Variants in TAB2 observed in about 807,000 individuals in gnomAD.
TAB2 encodes TGF-beta activated kinase 1 (MAP3K7) binding protein 2, also known as TGF-beta-activated kinase 1 and MAP3K7-binding protein 2.
A neutral mutation model predicts 65.0 loss-of-function variants in TAB2; 3 were observed. The ratio of observed to expected loss-of-function variants is 0.05; its 90% CI spans 0.02 to 0.12. TAB2 has a LOEUF of 0.12. Ranked by LOEUF, TAB2 falls within the 10% of genes least tolerant of loss-of-function variation. The pLI, the probability that TAB2 is intolerant of heterozygous loss-of-function variation, is 1.00. For missense variants in TAB2, 623 were observed against 840.3 expected (o/e 0.74, Z 3.20); for synonymous variants, 298 against 285.1 (o/e 1.05, Z -0.46).
At chr6:149,365,791 T>A (rs1322460602) in intron 1 of TAB2, among the ~76,000 whole-genome samples, 1 of 152,016 alleles carries the variant, frequency 6.6e-6, no homozygotes. Flanking sequence ...TCTGTTTCTC[T>A]CCTCCCCCTC....
intron 1 of TAB2, among the ~76,000 whole-genome samples, chr6:149,331,563 C>G (rs1309092666): frequency 1.2e-4 from 19 of 152,072 alleles, no homozygotes; most frequent in Admixed American, 1.2e-3. Context: ...CTGCTACTTG[C>G]AATGCTGTTT....
chr6:149,337,297 A>G (rs896156499), intron 1 of TAB2, among the ~76,000 whole-genome samples: 15 of 137,834 alleles, frequency 1.1e-4, no homozygotes, highest in Non-Finnish European at 1.9e-4. Flanking sequence ...AAACAACTAT[A>G]TTTTAGTAAA....
intron 3 of TAB2, among the ~76,000 whole-genome samples, chr6:149,381,965 T>A (rs1781625918): frequency 6.6e-6 from 1 of 152,200 alleles, no homozygotes; most frequent in South Asian, 2.1e-4. Context: ...ATTCTCGTCC[T>A]TGCCTCCTTG....
At chr6:149,326,289 AAGAC>A (rs1352909621) in intron 1 of TAB2, among the ~76,000 whole-genome samples, 5 of 147,688 alleles carry the variant, frequency 3.4e-5, no homozygotes, top group Non-Finnish European at 7.5e-5. Flanking sequence ...AAAAAAAAAA[AAGAC>A]AGTTTAAAAA....
chr6:149,224,852 AATTAAGGT>A (rs773367574), intron 1 of TAB2, among the ~76,000 whole-genome samples: 1 of 152,234 alleles, frequency 6.6e-6, no homozygotes, highest in Non-Finnish European at 1.5e-5. Flanking sequence ...CTGACAAAGG[AATTAAGGT>A]ATTTTCTTCT....
chr6:149,339,739 C>T (rs1780056855), intron 1 of TAB2, among the ~76,000 whole-genome samples: 1 of 151,826 alleles, frequency 6.6e-6, no homozygotes, highest in Admixed American at 6.6e-5. Flanking sequence ...GCTGGGACTA[C>T]AGGTGTGCAC....
intron 1 of TAB2, among the ~76,000 whole-genome samples, chr6:149,263,656 C>G (rs1583054132): frequency 6.6e-6 from 1 of 152,196 alleles, no homozygotes; most frequent in South Asian, 2.1e-4. Flanking sequence ...AAGTTTCCCC[C>G]AAATGGTGAA....
intron 1 of TAB2, among the ~76,000 whole-genome samples, chr6:149,252,297 C>G (rs1032822415): frequency 6.6e-6 from 1 of 151,022 alleles, no homozygotes; most frequent in Non-Finnish European, 1.5e-5. Context: ...CCCAGCTACT[C>G]GGGAGGCTGA....
chr6:149,358,595 A>T (rs1417781266), intron 1 of TAB2, among the ~76,000 whole-genome samples: 1 of 121,214 alleles, frequency 8.2e-6, no homozygotes, highest in South Asian at 2.7e-4. Flanking sequence ...GTTTCACTAC[A>T]ATACATCTAG....
At position 149,223,625 on chromosome 6, in the gene TAB2, T is replaced by C. The variant is rs900218426; in HGVS notation, c.-121+4849T>C. On this transcript the variant is annotated intron_variant, in intron 1 of 1. Coordinates refer to the TAB2 transcript ENST00000606202. Reference sequence around the variant, plus strand: ...GTTTTCTGTGGCTTTGGGGGTTAAATGCCTGATACAGACTGATTGCCCCTA... The same window carrying C: ...GTTTTCTGTGGCTTTGGGGGTTAAACGCCTGATACAGACTGATTGCCCCTA... Among the ~76,000 whole-genome samples, 8 of 152,342 alleles carry C rather than the reference T, an allele frequency of 5.3e-5. No individual in the cohort carries two copies. The South Asian group carries it at 1.7e-3, about 32-fold the overall frequency.
intron 3 of TAB2, among the ~76,000 whole-genome samples, chr6:149,384,759 T>C (rs1781732101): frequency 6.6e-6 from 1 of 152,182 alleles, no homozygotes; most frequent in South Asian, 2.1e-4. Flanking sequence ...ATACCTGTTG[T>C]AACACTGGCA....
At chr6:149,304,764 TA>T (rs1298416135) in intron 1 of TAB2, among the ~76,000 whole-genome samples, 1 of 152,180 alleles carries the variant, frequency 6.6e-6, no homozygotes, top group East Asian at 1.9e-4. Context: ...AAAAGTGGCT[TA>T]GTACAGTCCT....
At chr6:149,316,881 G>A (rs1322397961), upstream of TAB2, among the ~76,000 whole-genome samples, 3 of 152,018 alleles carry the variant, frequency 2.0e-5, no homozygotes, top group Non-Finnish European at 2.9e-5. Flanking sequence ...AGGCTCCCAA[G>A]ACGTCTCCCG....
chr6:149,337,387 G>C (rs1779967726), intron 1 of TAB2, among the ~76,000 whole-genome samples: 1 of 152,116 alleles, frequency 6.6e-6, no homozygotes, highest in African/African-American at 2.4e-5. Context: ...GCTTTCTCCA[G>C]ACTGCCAGAG....
chr6:149,269,673 G>T (rs1004430194), intron 1 of TAB2, among the ~76,000 whole-genome samples: 1 of 152,126 alleles, frequency 6.6e-6, no homozygotes, highest in Non-Finnish European at 1.5e-5. Flanking sequence ...AGATTATCAT[G>T]TATCATTCGT....
At chr6:149,263,387 C>T (rs1778193358) in intron 1 of TAB2, among the ~76,000 whole-genome samples, 1 of 152,134 alleles carries the variant, frequency 6.6e-6, no homozygotes, top group Non-Finnish European at 1.5e-5. Flanking sequence ...ATTCTTATTA[C>T]TATGCAGACA....
intron 1 of TAB2, among the ~76,000 whole-genome samples, chr6:149,358,361 T>G (rs951636654): frequency 1.3e-5 from 2 of 152,202 alleles, no homozygotes; most frequent in African/African-American, 4.8e-5. Flanking sequence ...TAAGTACTTA[T>G]GTGAAATTTT....
intron 1 of TAB2, among the ~76,000 whole-genome samples, chr6:149,282,593 A>G (rs141628159): frequency 2.8e-3 from 424 of 152,340 alleles, no homozygotes; most frequent in African/African-American, 9.4e-3. Context: ...TCATACAAGT[A>G]TATTCTCTGA....
chr6:149,266,456 C>T (rs917071286), intron 1 of TAB2, among the ~76,000 whole-genome samples: 1 of 152,190 alleles, frequency 6.6e-6, no homozygotes, highest in African/African-American at 2.4e-5. Flanking sequence ...GCTGGGATTT[C>T]GTGCTCACTG....
Sources: gnomAD v4.1 joint callset for allele counts (sites outside exome capture counted in the v4.1 genomes callset) on GRCh38, gnomAD v4.1.1 for gene constraint, MANE v1.5 for transcripts, NCBI Gene and HGNC (gene_info 2026-07-23, HGNC 2026-07-21) for gene names.